Variants in SAMMSON observed in about 807,000 individuals in gnomAD.
The protein encoded by SAMMSON is survival associated mitochondrial melanoma specific oncogenic non-coding RNA.
At chr3:70,327,138 G>T (rs774994953) in intron 7 of SAMMSON, among the ~76,000 whole-genome samples, 2 of 152,188 alleles carry the variant, frequency 1.3e-5, no homozygotes, top group Non-Finnish European at 2.9e-5. Flanking sequence ...GATTACAGGA[G>T]TGAGCCACTG....
At chr3:70,064,491 C>T (rs2067202068) in intron 3 of SAMMSON, among the ~76,000 whole-genome samples, 1 of 152,118 alleles carries the variant, frequency 6.6e-6, no homozygotes, top group South Asian at 2.1e-4. Context: ...GCCAGTTCAG[C>T]TTTGACACCA....
chr3:70,266,470 G>T (rs1348493220), intron 6 of SAMMSON, among the ~76,000 whole-genome samples: 1 of 151,854 alleles, frequency 6.6e-6, no homozygotes, highest in African/African-American at 2.4e-5. Flanking sequence ...ACCCAGGCTG[G>T]AGAGTAGTGG....
At chr3:70,062,252 C>T (rs2067193420) in intron 3 of SAMMSON, among the ~76,000 whole-genome samples, 1 of 151,826 alleles carries the variant, frequency 6.6e-6, no homozygotes, top group Non-Finnish European at 1.5e-5. Flanking sequence ...CTAAGAAGGC[C>T]CCTCTCCCCA....
chr3:70,075,780 C>T (rs568087273), intron 4 of SAMMSON, among the ~76,000 whole-genome samples: 15 of 152,042 alleles, frequency 9.9e-5, no homozygotes, highest in South Asian at 8.3e-4. Context: ...TGGATTATGT[C>T]GAGCTCCTGG....
intron 2 of SAMMSON, among the ~76,000 whole-genome samples, chr3:70,413,699 T>C (rs967168252): frequency 1.3e-5 from 2 of 152,118 alleles, no homozygotes; most frequent in Non-Finnish European, 2.9e-5. Flanking sequence ...ATATTCTATA[T>C]ATTTTCAGAA....
chr3:70,034,403 G>T (rs1208397596), intron 3 of SAMMSON, among the ~76,000 whole-genome samples: 1 of 152,058 alleles, frequency 6.6e-6, no homozygotes, highest in Admixed American at 6.6e-5. Flanking sequence ...TGTGATTTTT[G>T]AACTTGTATG....
intron 4 of SAMMSON, among the ~76,000 whole-genome samples, chr3:70,168,628 G>C (rs1007300534): frequency 3.3e-5 from 5 of 151,976 alleles, no homozygotes; most frequent in Admixed American, 6.6e-5. Flanking sequence ...GTTAGGCATA[G>C]AATTGGTAGC....
chr3:70,248,012 C>T (rs1172579197), intron 4 of SAMMSON, among the ~76,000 whole-genome samples: 5 of 151,938 alleles, frequency 3.3e-5, no homozygotes, highest in African/African-American at 4.8e-5. Context: ...CAGGTCAATT[C>T]GATCCATCTT....
chr3:70,306,378 T>TC (rs1429037218), intron 7 of SAMMSON, among the ~76,000 whole-genome samples: 1 of 152,212 alleles, frequency 6.6e-6, no homozygotes, highest in East Asian at 1.9e-4. Context: ...CCCAAAGTGC[T>TC]GGGATTATAG....
chr3:70,135,210 A>T (rs1271709061), intron 4 of SAMMSON, among the ~76,000 whole-genome samples: 1 of 152,162 alleles, frequency 6.6e-6, no homozygotes. Flanking sequence ...AATATTTCAT[A>T]AGATTATATG....
chr3:70,343,763 T>C (rs893576318), intron 7 of SAMMSON, among the ~76,000 whole-genome samples: 1 of 151,998 alleles, frequency 6.6e-6, no homozygotes, highest in African/African-American at 2.4e-5. Flanking sequence ...CTCTACCTCC[T>C]TGAAGGTAGA....
At chr3:70,146,575 C>G (rs180803859) in intron 4 of SAMMSON, among the ~76,000 whole-genome samples, 1 of 152,052 alleles carries the variant, frequency 6.6e-6, no homozygotes, top group East Asian at 1.9e-4. Context: ...ATGAATATAT[C>G]AATTGATGCA....
At chr3:70,391,419 C>T (rs1320460195), downstream of SAMMSON, among the ~76,000 whole-genome samples, 1 of 151,810 alleles carries the variant, frequency 6.6e-6, no homozygotes, top group African/African-American at 2.4e-5. Flanking sequence ...CATGTTGGCA[C>T]CTATTTTCTG....
intron 4 of SAMMSON, among the ~76,000 whole-genome samples, chr3:70,208,832 AAC>A (rs1274309128): frequency 6.6e-6 from 1 of 152,046 alleles, no homozygotes; most frequent in Non-Finnish European, 1.5e-5. Context: ...CTTGGTTTTC[AAC>A]AGTGTTTAAT....
chr3:70,396,362 A>G (rs1701093470), intron 2 of SAMMSON, among the ~76,000 whole-genome samples: 1 of 152,220 alleles, frequency 6.6e-6, no homozygotes, highest in Non-Finnish European at 1.5e-5. Context: ...TCAATTGTAA[A>G]GCACTCAAGA....
At chr3:70,173,055 A>G (rs948176105) in intron 4 of SAMMSON, 1 of 151,888 alleles carries the variant, frequency 6.6e-6, no homozygotes, top group African/African-American at 2.4e-5. Context: ...AACCATCCAT[A>G]TAGGGATTGG....
rs1415248920 is a variant in SAMMSON at position 70,253,996 on chromosome 3, A to C, written n.674+4326A>C. Among the ~76,000 whole-genome samples, 3 of 152,322 alleles carry C rather than the reference A, an allele frequency of 2.0e-5. No individual in the cohort carries two copies. The South Asian group carries it at 6.2e-4, about 32-fold the overall frequency. On this transcript the variant is annotated intron_variant and non_coding_transcript_variant, in intron 6 of 9. Coordinates refer to ENST00000642114, the Ensembl canonical transcript of SAMMSON. ...ATAGCTAGCTCAGAAGATTCAAAAA[A>C]AGGGTTAACAAATGCAGAGATAAGA...
At chr3:70,070,378 T>C (rs1190755297) in intron 3 of SAMMSON, 2 of 152,046 alleles carry the variant, frequency 1.3e-5, no homozygotes, top group Non-Finnish European at 2.9e-5. Context: ...ATCACCTGTA[T>C]AGATTTGTGT....
At chr3:70,228,757 T>G (rs1701532077) in intron 4 of SAMMSON, among the ~76,000 whole-genome samples, 1 of 151,794 alleles carries the variant, frequency 6.6e-6, no homozygotes, top group South Asian at 2.1e-4. Context: ...TTTTTTTTAC[T>G]AACAACAGTC....
Sources: allele counts gnomAD v4.1 joint callset (sites outside exome capture counted in the v4.1 genomes callset), GRCh38; gene constraint gnomAD v4.1.1; transcripts MANE v1.5; gene names NCBI Gene and HGNC (gene_info 2026-07-23, HGNC 2026-07-21).